The following ADAMTSL1 variants were observed in gnomAD, a reference collection of about 807,000 sequenced individuals.
The protein encoded by ADAMTSL1 is ADAMTS like 1.
In ADAMTSL1, 126 loss-of-function variants were observed where a neutral mutation model predicts 201.8. The observed-to-expected ratio is 0.62, with a 90% CI of 0.54 to 0.72. ADAMTSL1 has a LOEUF of 0.72. Among genes scored for constraint, ADAMTSL1 ranks in the 30% least tolerant of loss-of-function variants. The probability of loss-of-function intolerance (pLI) is 0.00; values close to 1 mark genes in which losing one functional copy is unlikely to be tolerated. For missense variants in ADAMTSL1, 2,679 were observed against 2,277.8 expected (o/e 1.18, Z -3.59); for synonymous variants, 1,121 against 903.4 (o/e 1.24, Z -4.32).
intron 3 of ADAMTSL1, among the ~76,000 whole-genome samples, chr9:18,570,864 C>A (rs975612748): frequency 6.6e-6 from 1 of 152,194 alleles, no homozygotes; most frequent in Non-Finnish European, 1.5e-5. Context: ...TTATTCTTCT[C>A]AGACCTATTT....
intron 22 of ADAMTSL1, among the ~76,000 whole-genome samples, chr9:18,827,194 CAAAA>C (rs548502927): frequency 2.0e-5 from 3 of 150,008 alleles, no homozygotes; most frequent in African/African-American, 7.4e-5. Context: ...TTGGCTTTCT[CAAAA>C]AAAAGAGCAA....
chr9:18,179,206 G>A (rs891140918), intron 2 of ADAMTSL1, among the ~76,000 whole-genome samples: 1 of 152,096 alleles, frequency 6.6e-6, no homozygotes, highest in Non-Finnish European at 1.5e-5. Flanking sequence ...TGAAAACCAA[G>A]GCTCGAGAAC....
chr9:18,541,530 T>A (rs1032647536), intron 3 of ADAMTSL1, among the ~76,000 whole-genome samples: 1 of 151,484 alleles, frequency 6.6e-6, no homozygotes. Flanking sequence ...AAAAAAAAAT[T>A]TATGGGTGGG....
intron 2 of ADAMTSL1, among the ~76,000 whole-genome samples, chr9:18,304,110 T>C (rs1833811099): frequency 6.6e-6 from 1 of 152,216 alleles, no homozygotes; most frequent in African/African-American, 2.4e-5. Context: ...CTAGATGTCC[T>C]CTATGTGTCT....
chr9:17,978,655 A>C (rs1818553778), intron 1 of ADAMTSL1, among the ~76,000 whole-genome samples: 2 of 152,170 alleles, frequency 1.3e-5, no homozygotes, highest in African/African-American at 4.8e-5. Context: ...AATTATTGTA[A>C]CTATAAATGC....
intron 1 of ADAMTSL1, among the ~76,000 whole-genome samples, chr9:17,924,172 A>G (rs980549448): frequency 6.6e-4 from 99 of 151,072 alleles, no homozygotes; most frequent in Non-Finnish European, 9.1e-4. Flanking sequence ...CTCTTTTTCT[A>G]TTGATTGGAA....
chr9:18,087,161 T>C (rs139290497), intron 1 of ADAMTSL1, among the ~76,000 whole-genome samples: 204 of 152,312 alleles, frequency 1.3e-3, no homozygotes, highest in African/African-American at 4.5e-3. Context: ...TCACACATTG[T>C]AGTTAATTTC....
chr9:18,718,145 C>T (rs765024731), intron 14 of ADAMTSL1: 5 of 869,486 alleles, frequency 5.8e-6, no homozygotes, highest in Non-Finnish European at 1.0e-5. Flanking sequence ...GACCTTCTTC[C>T]TTCCCTACAG....
At chr9:18,373,861 A>G (rs1004056641) in intron 2 of ADAMTSL1, among the ~76,000 whole-genome samples, 4 of 152,208 alleles carry the variant, frequency 2.6e-5, no homozygotes, top group Admixed American at 2.6e-4. Context: ...AGGGAATGCC[A>G]TGACACACAT....
intron 1 of ADAMTSL1, among the ~76,000 whole-genome samples, chr9:18,006,983 A>C (rs1473372865): frequency 6.6e-6 from 1 of 152,058 alleles, no homozygotes. Flanking sequence ...ATTTCATGGA[A>C]AAATCGGGCT....
chr9:18,206,401 C>T (rs1248171437), intron 2 of ADAMTSL1, among the ~76,000 whole-genome samples: 1 of 152,110 alleles, frequency 6.6e-6, no homozygotes, highest in Non-Finnish European at 1.5e-5. Flanking sequence ...TGCCCTCTCC[C>T]TATCTCAAAT....
At chr9:18,241,821 G>A (rs1457071753) in intron 2 of ADAMTSL1, among the ~76,000 whole-genome samples, 3 of 151,942 alleles carry the variant, frequency 2.0e-5, no homozygotes, top group African/African-American at 7.3e-5. Flanking sequence ...ATAGAATCAG[G>A]AAGAAATAGA....
In ADAMTSL1 at chr9:17,935,291, C is replaced by G. The variant is rs368721120; in HGVS notation, c.87+28369C>G. On this transcript the variant is annotated intron_variant, in intron 1 of 29. Transcript: ENST00000680146. ...CTGCCTTATGGGTTGTCCCTTCTGT[C>G]TCCCATGTTCCCCCGGCACCAGTTC... 1.3e-4 allele frequency among the ~76,000 whole-genome samples: 20 copies of G among 152,248 alleles called. 1 individual carries two copies. The East Asian group carries it at 2.1e-3, about 16-fold the overall frequency.
At chr9:18,284,405 C>T (rs893998163) in intron 2 of ADAMTSL1, among the ~76,000 whole-genome samples, 2 of 151,912 alleles carry the variant, frequency 1.3e-5, no homozygotes, top group Admixed American at 1.3e-4. Context: ...ACCATTAGAA[C>T]TTTCCATCTT....
intron 2 of ADAMTSL1, among the ~76,000 whole-genome samples, chr9:18,252,544 A>C (rs1451468214): frequency 6.6e-6 from 1 of 152,228 alleles, no homozygotes; most frequent in African/African-American, 2.4e-5. Context: ...TGTAAAGGCT[A>C]TGTAAACAAT....
chr9:18,422,602 G>C (rs868043349), intron 2 of ADAMTSL1, among the ~76,000 whole-genome samples: 1 of 152,088 alleles, frequency 6.6e-6, no homozygotes, highest in East Asian at 1.9e-4. Flanking sequence ...GCATGCCTCC[G>C]TGTCCTTTTA....
chr9:18,161,239 T>A (rs1476217593), intron 1 of ADAMTSL1, among the ~76,000 whole-genome samples: 1 of 152,040 alleles, frequency 6.6e-6, no homozygotes, highest in African/African-American at 2.4e-5. Flanking sequence ...GCCTTTATAT[T>A]TGATGTCTTA....
chr9:18,575,738 C>T (rs35875473), intron 4 of ADAMTSL1, among the ~76,000 whole-genome samples: 2 of 151,964 alleles, frequency 1.3e-5, no homozygotes, highest in African/African-American at 4.8e-5. Context: ...AAACTGAGGA[C>T]CAGAAAATAT....
At chr9:18,818,873 C>T (rs1449174969) in intron 21 of ADAMTSL1, among the ~76,000 whole-genome samples, 2 of 152,110 alleles carry the variant, frequency 1.3e-5, no homozygotes, top group Non-Finnish European at 2.9e-5. Context: ...TTCTCATGGC[C>T]TTTGTGATGT....
Sources: allele counts gnomAD v4.1 joint callset (sites outside exome capture counted in the v4.1 genomes callset), GRCh38; gene constraint gnomAD v4.1.1; transcripts MANE v1.5; gene names NCBI Gene and HGNC (gene_info 2026-07-23, HGNC 2026-07-21).